SPAG17: variants seen among roughly 807,000 people sequenced by gnomAD.
SPAG17 encodes sperm-associated antigen 17.
A neutral mutation model predicts 273.6 loss-of-function variants in SPAG17; 169 were observed. The ratio of observed to expected loss-of-function variants is 0.62; its 90% CI spans 0.55 to 0.70. SPAG17 has a LOEUF of 0.70. Ranked by LOEUF, SPAG17 falls within the 30% of genes least tolerant of loss-of-function variation. The pLI, the probability that SPAG17 is intolerant of heterozygous loss-of-function variation, is 0.00. For missense variants in SPAG17, 2,557 were observed against 2,627.8 expected (o/e 0.97, Z 0.59); for synonymous variants, 825 against 873.2 (o/e 0.94, Z 0.97).
chr1:117,959,853 G>T (rs1652788844), intron 48 of SPAG17: 1 of 153,790 alleles, frequency 6.5e-6, no homozygotes, highest in Non-Finnish European at 1.4e-5. Flanking sequence ...AGGTTTTACT[G>T]CCTATTGAGA....
At chr1:118,054,329 T>C (rs982409858) in intron 19 of SPAG17, among the ~76,000 whole-genome samples, 3 of 151,736 alleles carry the variant, frequency 2.0e-5, no homozygotes, top group Non-Finnish European at 1.5e-5. Context: ...TGTGTTGATA[T>C]GTTGCAGCTT....
intron 3 of SPAG17, among the ~76,000 whole-genome samples, chr1:118,118,335 G>A (rs1657213719): frequency 6.6e-6 from 1 of 152,166 alleles, no homozygotes; most frequent in African/African-American, 2.4e-5. Context: ...GCACTGGGGG[G>A]TAAGCTAGCC....
rs183844044 is a variant in SPAG17 at position 118,046,607 on chromosome 1, A to C, written c.2815-4565T>G. 8.0e-3 allele frequency among the ~76,000 whole-genome samples: 1,214 copies of C among 152,174 alleles called. 17 individuals are homozygous for C. Among genetic ancestry groups the C allele is most frequent in the African/African-American group, 0.028 (1,149 of 41,558 alleles). ...GAAAAAAAAGGTGCCTACATATTAAACTTTTCCTATAAAGGGCCAGAGAGT... is the reference window on the plus strand; with the variant it reads ...GAAAAAAAAGGTGCCTACATATTAACCTTTTCCTATAAAGGGCCAGAGAGT... On this transcript the variant is annotated intron_variant, in intron 20 of 48. Coordinates refer to ENST00000336338, the MANE Select transcript of SPAG17 (RefSeq NM_206996.4).
intron 17 of SPAG17, among the ~76,000 whole-genome samples, chr1:118,070,089 A>T (rs777985689): frequency 1.3e-5 from 2 of 152,214 alleles, no homozygotes; most frequent in Non-Finnish European, 2.9e-5. Flanking sequence ...ACGCCTCATT[A>T]AAAGAACAGT....
At chr1:118,089,875 C>T (rs997148365) in intron 10 of SPAG17, among the ~76,000 whole-genome samples, 5 of 152,056 alleles carry the variant, frequency 3.3e-5, no homozygotes, top group African/African-American at 9.7e-5. Flanking sequence ...GGGTGGTTTC[C>T]CCCATGCTGT....
chr1:118,097,403 G>A (rs531632415), intron 7 of SPAG17, among the ~76,000 whole-genome samples: 4 of 152,104 alleles, frequency 2.6e-5, no homozygotes, highest in Non-Finnish European at 4.4e-5. Context: ...ACAAAGCCAC[G>A]TGTCACCATA....
chr1:118,085,166 C>A (rs1654889779), intron 13 of SPAG17, among the ~76,000 whole-genome samples: 1 of 152,064 alleles, frequency 6.6e-6, no homozygotes, highest in Non-Finnish European at 1.5e-5. Flanking sequence ...AACATTCCTG[C>A]CAAATTCAGA....
rs1650615689 is a variant in SPAG17, at chr1:118,048,505, A to G, written c.2814+5497T>C. On this transcript the variant is annotated intron_variant, in intron 20 of 48. Transcript: ENST00000336338. ...AAGTTTGTTTCTCAAAAAGATAAACATGATGAACAAACTTTTAGCTAAACT... is the reference window on the plus strand; with the variant it reads ...AAGTTTGTTTCTCAAAAAGATAAACGTGATGAACAAACTTTTAGCTAAACT... Among the ~76,000 whole-genome samples the G allele has an allele frequency of 1.3e-5, 2 of 152,386 alleles. 1 individual carries two copies. The highest frequency in any genetic ancestry group is 2.9e-5 in the Non-Finnish European group (2 of 68,038).
chr1:118,017,247 A>G (rs946039900), intron 28 of SPAG17, among the ~76,000 whole-genome samples: 12 of 152,296 alleles, frequency 7.9e-5, no homozygotes, highest in Middle Eastern at 3.4e-3. Context: ...TTTAGGAATT[A>G]TCTTTTTTTC....
intron 20 of SPAG17, among the ~76,000 whole-genome samples, chr1:118,045,268 C>T (rs1014361528): frequency 3.3e-5 from 5 of 152,158 alleles, no homozygotes; most frequent in Non-Finnish European, 5.9e-5. Context: ...TCCAGAAAGA[C>T]CAAACCTTAA....
intron 15 of SPAG17, among the ~76,000 whole-genome samples, chr1:118,077,328 C>T (rs1390721139): frequency 1.3e-5 from 2 of 152,034 alleles, no homozygotes; most frequent in African/African-American, 4.8e-5. Context: ...AAATGCACCA[C>T]GGAGAAACAC....
At chr1:118,114,066 T>C (rs765511728) in intron 4 of SPAG17, among the ~76,000 whole-genome samples, 11 of 152,144 alleles carry the variant, frequency 7.2e-5, no homozygotes, top group Non-Finnish European at 1.5e-4. Flanking sequence ...AATTACAGTC[T>C]ACTTTTTATA....
chr1:117,986,294 A>G (rs547732912), intron 40 of SPAG17, among the ~76,000 whole-genome samples: 1 of 152,348 alleles, frequency 6.6e-6, no homozygotes, highest in African/African-American at 2.4e-5. Flanking sequence ...TTATTCTCAC[A>G]AAAGAAACTA....
chr1:118,110,227 C>T (rs1656678646), intron 4 of SPAG17, among the ~76,000 whole-genome samples: 1 of 152,008 alleles, frequency 6.6e-6, no homozygotes, highest in Non-Finnish European at 1.5e-5. Context: ...GTCAATAAAA[C>T]ATCACAAAAC....
At chr1:118,022,848 C>T (rs893017419) in intron 28 of SPAG17, among the ~76,000 whole-genome samples, 1 of 152,132 alleles carries the variant, frequency 6.6e-6, no homozygotes, top group Non-Finnish European at 1.5e-5. Flanking sequence ...CTTTTGCTTC[C>T]TGATGAACAG....
At chr1:118,077,369 C>G (rs143723758) in intron 15 of SPAG17, among the ~76,000 whole-genome samples, 1 of 151,974 alleles carries the variant, frequency 6.6e-6, no homozygotes, top group Non-Finnish European at 1.5e-5. Context: ...CTCCAGATTG[C>G]GTGGCCTCTA....
chr1:118,051,544 T>TACACACACACAC (rs147508671), intron 20 of SPAG17, among the ~76,000 whole-genome samples: 209 of 148,486 alleles, frequency 1.4e-3, no homozygotes, highest in African/African-American at 4.8e-3. Context: ...AAATTTGAGA[T>TACACACACACAC]ACACACACAC....
chr1:118,052,668 C>T (rs142723522), intron 20 of SPAG17, among the ~76,000 whole-genome samples: 5 of 151,932 alleles, frequency 3.3e-5, no homozygotes. Context: ...GAAATAGATA[C>T]CATTTTTTCT....
At chr1:118,041,038 A>G (rs1445574216) in intron 21 of SPAG17, among the ~76,000 whole-genome samples, 197 bp from the exon 22 acceptor site, 1 of 152,172 alleles carries the variant, frequency 6.6e-6, no homozygotes, top group Non-Finnish European at 1.5e-5. Context: ...ATTAAGATCT[A>G]TTATGTTAAA....
Sources: allele counts gnomAD v4.1 joint callset (sites outside exome capture counted in the v4.1 genomes callset), GRCh38; gene constraint gnomAD v4.1.1; transcripts MANE v1.5; gene names NCBI Gene and HGNC (gene_info 2026-07-23, HGNC 2026-07-21).